EYS: variants seen among roughly 807,000 people sequenced by gnomAD.
The protein encoded by EYS is EGF-like photoreceptor maintenance factor.
EYS carries 250 observed loss-of-function variants against 282.1 expected under a neutral mutation model. That is an observed-to-expected ratio of 0.89 (90% CI 0.80 to 0.98). EYS has a LOEUF of 0.98. EYS is among the 50% of genes least tolerant of loss of function. EYS has a pLI of 0.00. For synonymous variants in EYS, 1,355 were observed against 1,282.9 expected, an observed-to-expected ratio of 1.06 and a Z score of -1.20; for missense variants, 4,016 against 3,709.0, an observed-to-expected ratio of 1.08 and a Z score of -2.15.
chr6:65,432,163 A>G (rs2150384993), intron 5 of EYS, among the ~76,000 whole-genome samples: 1 of 152,248 alleles, frequency 6.6e-6, no homozygotes, highest in South Asian at 2.1e-4. Context: ...AGTAAGGGTA[A>G]AGATTAATCT....
chr6:65,615,522 T>C (rs556343848), intron 2 of EYS, among the ~76,000 whole-genome samples: 33 of 151,808 alleles, frequency 2.2e-4, no homozygotes, highest in Non-Finnish European at 2.2e-4. Context: ...TTGGATAATA[T>C]GATTTTTAAT....
chr6:64,376,792 AT>A (rs11284057), intron 29 of EYS, among the ~76,000 whole-genome samples: 104,201 of 151,808 alleles, frequency 0.69, 35,795 homozygotes, highest in South Asian at 0.71. Flanking sequence ...AATAAAATTT[AT>A]TTTTTTTAAA....
At chr6:65,167,775 C>T (rs562599056) in intron 12 of EYS, among the ~76,000 whole-genome samples, 42 of 151,306 alleles carry the variant, frequency 2.8e-4, no homozygotes, top group South Asian at 2.1e-3. Context: ...GTATTTTATA[C>T]CTTCTTCTTT....
intron 12 of EYS, among the ~76,000 whole-genome samples, chr6:65,249,358 A>G (rs745390209): frequency 9.7e-4 from 148 of 152,110 alleles, no homozygotes; most frequent in Non-Finnish European, 1.4e-3. Flanking sequence ...AATAAATAAG[A>G]CATTCCAAAA....
At chr6:64,272,226 A>G (rs565972517) in intron 30 of EYS, among the ~76,000 whole-genome samples, 1 of 152,286 alleles carries the variant, frequency 6.6e-6, no homozygotes, top group Non-Finnish European at 1.5e-5. Flanking sequence ...TTGACTCTAT[A>G]CAATTTGCCA....
intron 14 of EYS, among the ~76,000 whole-genome samples, chr6:64,988,201 T>C (rs958075063): frequency 1.3e-5 from 2 of 151,376 alleles, no homozygotes; most frequent in African/African-American, 4.8e-5. Context: ...TAAGATTCAC[T>C]TGGACTTAGC....
intron 2 of EYS, among the ~76,000 whole-genome samples, chr6:65,607,548 T>G (rs1765841126): frequency 6.6e-6 from 1 of 151,936 alleles, no homozygotes; most frequent in African/African-American, 2.4e-5. Context: ...TTACTGCTTC[T>G]TTTAATTACT....
At chr6:64,642,267 G>A (rs1023282) in intron 22 of EYS, among the ~76,000 whole-genome samples, 90,797 of 151,994 alleles carry the variant, frequency 0.6, 27,278 homozygotes, top group South Asian at 0.66. Flanking sequence ...AATTTCATTC[G>A]TAATTTATCT....
In EYS at chr6:64,887,044, T is replaced by A. The variant is rs546923055; in HGVS notation, c.2847-202A>T. Reference sequence around the variant, plus strand: ...GCTCAAATGTTCTTTATGTGTGAAATTTTGAAAAACAATGTGTTGGGTAAA... The same window carrying A: ...GCTCAAATGTTCTTTATGTGTGAAAATTTGAAAAACAATGTGTTGGGTAAA... On this transcript the variant is annotated intron_variant, in intron 18 of 42. Coordinates refer to ENST00000503581, the MANE Select transcript of EYS (RefSeq NM_001142800.2). Among the ~76,000 whole-genome samples the A allele has an allele frequency of 2.6e-5, 4 of 152,028 alleles. 1 individual carries two copies. The highest frequency in any genetic ancestry group is 9.6e-5 in the African/African-American group (4 of 41,530).
At chr6:64,468,270 G>T (rs565424832) in intron 26 of EYS, among the ~76,000 whole-genome samples, 5 of 152,318 alleles carry the variant, frequency 3.3e-5, no homozygotes, top group African/African-American at 1.2e-4. Context: ...CGCTGCCACT[G>T]ATTACAGCTA....
At chr6:64,436,967 C>A (rs1248682811) in intron 27 of EYS, among the ~76,000 whole-genome samples, 1 of 151,686 alleles carries the variant, frequency 6.6e-6, no homozygotes. Context: ...TGATCTATAA[C>A]CCACATGTGT....
chr6:64,560,129 T>A (rs150435839), intron 26 of EYS, among the ~76,000 whole-genome samples: 22 of 152,276 alleles, frequency 1.4e-4, no homozygotes, highest in African/African-American at 4.8e-4. Context: ...TTTGGCAAGA[T>A]ATTTTTCATC....
intron 13 of EYS, among the ~76,000 whole-genome samples, chr6:65,008,844 C>G (rs1158114549): frequency 1.3e-5 from 2 of 152,138 alleles, no homozygotes; most frequent in Non-Finnish European, 2.9e-5. Flanking sequence ...ACCGGTGCGG[C>G]CTTCTCAGTC....
intron 24 of EYS, among the ~76,000 whole-genome samples, chr6:64,594,207 A>C (rs1389024829): frequency 6.6e-6 from 1 of 152,182 alleles, no homozygotes; most frequent in African/African-American, 2.4e-5. Context: ...TAAATGTCAG[A>C]TGATTCCTAA....
intron 35 of EYS, among the ~76,000 whole-genome samples, chr6:63,913,939 T>A (rs1764348701): frequency 6.6e-6 from 1 of 152,236 alleles, no homozygotes; most frequent in African/African-American, 2.4e-5. Flanking sequence ...TGTGACATTT[T>A]GGTAATTCTG....
chr6:64,103,315 T>C (rs556020538), intron 31 of EYS, among the ~76,000 whole-genome samples: 6 of 152,326 alleles, frequency 3.9e-5, no homozygotes, highest in African/African-American at 1.2e-4. Flanking sequence ...GAAACACTTA[T>C]TCATTATAAA....
At chr6:65,065,484 G>A (rs1313935319) in intron 12 of EYS, among the ~76,000 whole-genome samples, 1 of 151,040 alleles carries the variant, frequency 6.6e-6, no homozygotes, top group Non-Finnish European at 1.5e-5. Context: ...CCGGGTTCAC[G>A]CCATTCTCCT....
chr6:65,020,804 G>C (rs1054317216), intron 13 of EYS, among the ~76,000 whole-genome samples: 5 of 152,194 alleles, frequency 3.3e-5, no homozygotes, highest in Non-Finnish European at 5.9e-5. Context: ...CTGAAATCTA[G>C]GTGGCGGTTT....
chr6:65,649,396 C>T lies in EYS; in HGVS notation c.-447-9504G>A, dbSNP rs1767574971. Among the ~76,000 whole-genome samples, 2 of 152,070 alleles carry T rather than the reference C, an allele frequency of 1.3e-5. 1 individual carries two copies. Among genetic ancestry groups the T allele is most frequent in the South Asian group, 4.1e-4 (2 of 4,832 alleles). ...AAACACACACACACACACATACACA[C>T]ATCCATGTGCATTTGTAATAACTGA... On this transcript the variant is annotated intron_variant, in intron 1 of 42. Transcript: ENST00000503581.
Sources: allele counts gnomAD v4.1 joint callset (sites outside exome capture counted in the v4.1 genomes callset), GRCh38; gene constraint gnomAD v4.1.1; transcripts MANE v1.5; gene names NCBI Gene and HGNC (gene_info 2026-07-23, HGNC 2026-07-21).